The following NELL1 variants were observed in gnomAD, a reference collection of about 807,000 sequenced individuals.
The protein encoded by NELL1 is protein kinase C-binding protein NELL1.
A neutral mutation model predicts 107.4 loss-of-function variants in NELL1; 76 were observed. The observed-to-expected ratio is 0.71, with a 90% confidence interval of 0.59 to 0.86. The LOEUF (loss-of-function observed/expected upper bound fraction) is 0.86, where lower values mean the gene tolerates loss of function less well. Among genes scored for constraint, NELL1 ranks in the 40% least tolerant of loss-of-function variants. The pLI, the probability that NELL1 is intolerant of heterozygous loss-of-function variation, is 0.00. For synonymous variants in NELL1, 353 were observed against 341.2 expected (o/e 1.03, Z -0.38); for missense variants, 1,024 against 1,005.5 (o/e 1.02, Z -0.25).
chr11:21,113,635 T>C lies in NELL1; in HGVS notation c.1347T>C (p.Thr449=), dbSNP rs1855158325. The C allele has an allele frequency of 6.2e-7, 1 of 1,612,160 alleles. No individual in the cohort carries two copies. Among genetic ancestry groups the C allele is most frequent in the Non-Finnish European group, 8.5e-7 (1 of 1,178,720 alleles). The change falls in exon 13 of 20, where the codon ACT becomes ACC. Residue 449 remains threonine (T), a synonymous_variant. Coordinates refer to ENST00000357134, the MANE Select transcript of NELL1 (RefSeq NM_006157.5). The part of the protein sequence containing the change: ...AAKMHYCHAN[T]VCVNLPGLYR... ...AGATGCATTACTGTCATGCCAATACTGTGTGTGTCAACCTTCCTGGGTTAT... is the reference window on the plus strand; with the variant it reads ...AGATGCATTACTGTCATGCCAATACCGTGTGTGTCAACCTTCCTGGGTTAT...
At position 21,560,370 on chromosome 11, in the gene NELL1, C is replaced by T. The variant is rs1443785699; in HGVS notation, c.1968C>T (p.Val656=). ...CCTTGAAAGAAGACAGGTGTTCTGT[C>T]TGCTCCTGCAAGGTGAGGCTGATGT... ...VWTLKEDRCS[V]CSCKDGKIFC... is the part of the protein sequence containing the mutation. Residue 656 remains valine (V), a synonymous_variant, in exon 17 of 20, where the codon GTC becomes GTT. Coordinates refer to ENST00000357134, the MANE Select transcript of NELL1 (RefSeq NM_006157.5). 6.3e-7 allele frequency: 1 copy of T among 1,583,866 alleles called. No individual in the cohort carries two copies. Among genetic ancestry groups the T allele is most frequent in the Non-Finnish European group, 8.6e-7 (1 of 1,166,292 alleles).
intron 2 of NELL1, among the ~76,000 whole-genome samples, chr11:20,780,303 A>G (rs1319119842): frequency 1.3e-5 from 2 of 152,226 alleles, no homozygotes; most frequent in Non-Finnish European, 2.9e-5. Flanking sequence ...ACATCATTAC[A>G]ATAAATTTTC....
At chr11:20,749,089 C>T (rs147474905) in intron 2 of NELL1, among the ~76,000 whole-genome samples, 3 of 150,394 alleles carry the variant, frequency 2.0e-5, no homozygotes, top group Non-Finnish European at 2.9e-5. Flanking sequence ...TAGAAACAGA[C>T]GTTAAATGAT....
intron 7 of NELL1, among the ~76,000 whole-genome samples, chr11:20,926,437 G>A (rs1850498068): frequency 6.6e-6 from 1 of 152,030 alleles, no homozygotes; most frequent in African/African-American, 2.4e-5. Flanking sequence ...TGAAAACCTA[G>A]GTATGGCAGG....
intron 13 of NELL1, among the ~76,000 whole-genome samples, chr11:21,146,995 G>T (rs1397103070): frequency 6.6e-6 from 1 of 152,192 alleles, no homozygotes; most frequent in Non-Finnish European, 1.5e-5. Flanking sequence ...AGTGAGCCAA[G>T]ATTGCACCAC....
intron 12 of NELL1, among the ~76,000 whole-genome samples, chr11:20,995,800 A>G (rs553314458): frequency 7.2e-5 from 11 of 152,248 alleles, no homozygotes; most frequent in Admixed American, 2.0e-4. Context: ...CATGATCTCT[A>G]TCTTCTGTAA....
intron 16 of NELL1, among the ~76,000 whole-genome samples, chr11:21,545,164 TAC>T (rs1856407137): frequency 6.6e-6 from 1 of 152,052 alleles, no homozygotes; most frequent in African/African-American, 2.4e-5. Context: ...ATTTCTTTTT[TAC>T]ACAGATATTT....
At chr11:21,114,722 A>G (rs1033975176) in intron 13 of NELL1, among the ~76,000 whole-genome samples, 1 of 151,992 alleles carries the variant, frequency 6.6e-6, no homozygotes, top group African/African-American at 2.4e-5. Flanking sequence ...AGGACCACAT[A>G]AAGTCACATC....
intron 15 of NELL1, among the ~76,000 whole-genome samples, chr11:21,441,332 TGTGTGTGTGTGTGTG>T (rs1564895263): frequency 0.026 from 2,666 of 104,178 alleles, 200 homozygotes; most frequent in East Asian, 0.23. Flanking sequence ...GGCTGTGACG[TGTGTGTGTGTGTGTG>T]TGTGTGTGTG....
At chr11:21,384,540 C>A (rs1305727617) in intron 15 of NELL1, among the ~76,000 whole-genome samples, 1 of 151,906 alleles carries the variant, frequency 6.6e-6, no homozygotes, top group African/African-American at 2.4e-5. Flanking sequence ...TGGTGCGCTG[C>A]ACCCACTAAC....
chr11:20,894,771 C>T (rs1168868866), intron 5 of NELL1, among the ~76,000 whole-genome samples: 1 of 152,066 alleles, frequency 6.6e-6, no homozygotes, highest in Non-Finnish European at 1.5e-5. Context: ...CTCTAGGTAC[C>T]TAATGTCTAA....
chr11:21,216,573 A>G (rs1248775345), intron 13 of NELL1, among the ~76,000 whole-genome samples: 2 of 152,228 alleles, frequency 1.3e-5, no homozygotes, highest in Non-Finnish European at 2.9e-5. Flanking sequence ...TTGCATCAGC[A>G]TGCCCTGGAT....
intron 5 of NELL1, among the ~76,000 whole-genome samples, chr11:20,901,426 A>G (rs1297316587): frequency 1.3e-5 from 2 of 152,264 alleles, no homozygotes; most frequent in South Asian, 2.1e-4. Flanking sequence ...ATGAAATTTT[A>G]TGAAAAACCA....
intron 15 of NELL1, among the ~76,000 whole-genome samples, chr11:21,401,710 G>A (rs1250278935): frequency 6.6e-6 from 1 of 151,704 alleles, no homozygotes; most frequent in Non-Finnish European, 1.5e-5. Context: ...CATAGGATAA[G>A]AAAGCATGTT....
intron 14 of NELL1, among the ~76,000 whole-genome samples, chr11:21,359,674 C>G (rs1851026823): frequency 6.6e-6 from 1 of 152,008 alleles, no homozygotes; most frequent in South Asian, 2.1e-4. Flanking sequence ...TTCAATCTCA[C>G]TAATTGTTAT....
intron 2 of NELL1, chr11:20,769,629 C>T (rs1019378310): frequency 2.6e-5 from 4 of 152,336 alleles, no homozygotes; most frequent in African/African-American, 9.7e-5. Context: ...AGGAAAATCA[C>T]CCTCAGCTGG....
At chr11:20,774,027 C>T (rs1377031608) in intron 2 of NELL1, among the ~76,000 whole-genome samples, 1 of 120,978 alleles carries the variant, frequency 8.3e-6, no homozygotes, top group Non-Finnish European at 1.8e-5. Flanking sequence ...CTTTTTTCCT[C>T]CCTCCCCTCC....
In NELL1 at chr11:21,343,490, A is replaced by G. The variant is rs538483801; in HGVS notation, c.1550-27363A>G. On this transcript the variant is annotated intron_variant, in intron 14 of 19. Coordinates refer to ENST00000357134, the MANE Select transcript of NELL1 (RefSeq NM_006157.5). ...AGGTACCCTTCCTTAATGTTTTTTT[A>G]ATTACTCTGTGATCTGATTATCAGG... Among the ~76,000 whole-genome samples the G allele has an allele frequency of 4.6e-5, 7 of 152,036 alleles. No individual in the cohort carries two copies. In the South Asian group the frequency reaches 1.5e-3, roughly 32 times the overall value.
chr11:21,443,283 C>T (rs546010123), intron 15 of NELL1, among the ~76,000 whole-genome samples: 2 of 152,274 alleles, frequency 1.3e-5, no homozygotes, highest in Admixed American at 1.3e-4. Context: ...GAGGGCAGAA[C>T]TCTCATGACC....
Sources: allele counts gnomAD v4.1 joint callset (sites outside exome capture counted in the v4.1 genomes callset), GRCh38; gene constraint gnomAD v4.1.1; transcripts MANE v1.5; gene names NCBI Gene and HGNC (gene_info 2026-07-23, HGNC 2026-07-21).